Variants in ATP10A observed in about 807,000 individuals in gnomAD.
The protein encoded by ATP10A is ATPase phospholipid transporting 10A (putative).
In ATP10A, 111 loss-of-function variants were observed where a neutral mutation model predicts 147.8. The observed-to-expected ratio is 0.75, with a 90% CI of 0.64 to 0.88. The LOEUF (loss-of-function observed/expected upper bound fraction) is 0.88. Among genes scored for constraint, ATP10A ranks in the 40% least tolerant of loss-of-function variants. The pLI is 0.00. For missense variants in ATP10A, 1,927 were observed against 1,959.0 expected (o/e 0.98, Z 0.31); for synonymous variants, 875 against 841.6 (o/e 1.04, Z -0.69).
At chr15:25,703,028 ATGGGGCTC>A (rs1312800755) in intron 12 of ATP10A, among the ~76,000 whole-genome samples, 1 of 152,040 alleles carries the variant, frequency 6.6e-6, no homozygotes, top group Non-Finnish European at 1.5e-5. Context: ...GGTCATGAGG[ATGGGGCTC>A]CCTCGATGGG....
intron 1 of ATP10A, among the ~76,000 whole-genome samples, chr15:25,824,611 G>GT (rs34189860): frequency 0.62 from 91,670 of 148,108 alleles, 31,108 homozygotes; most frequent in East Asian, 0.81. Context: ...CCTATGTTTA[G>GT]GAAGTCAGTG....
At chr15:25,834,640 C>T (rs1280367957) in intron 1 of ATP10A, among the ~76,000 whole-genome samples, 1 of 152,206 alleles carries the variant, frequency 6.6e-6, no homozygotes, top group Non-Finnish European at 1.5e-5. Flanking sequence ...AATGAAAACA[C>T]ACGTCTATAC....
At chr15:25,705,952 C>A (rs1900982707) in intron 12 of ATP10A, among the ~76,000 whole-genome samples, 1 of 152,150 alleles carries the variant, frequency 6.6e-6, no homozygotes, top group Admixed American at 6.5e-5. Context: ...TCCTCACGTG[C>A]ACCTGGAGGG....
intron 16 of ATP10A, among the ~76,000 whole-genome samples, chr15:25,687,279 TA>T (rs1309594432): frequency 6.6e-6 from 1 of 152,064 alleles, no homozygotes; most frequent in African/African-American, 2.4e-5. Flanking sequence ...TGTTTGGGGA[TA>T]TTTCAGCAGC....
chr15:25,812,756 C>T (rs1289666978), intron 1 of ATP10A, among the ~76,000 whole-genome samples: 1 of 152,180 alleles, frequency 6.6e-6, no homozygotes. Flanking sequence ...GGTGGCCAAG[C>T]ACACTATTGA....
intron 9 of ATP10A, among the ~76,000 whole-genome samples, chr15:25,715,511 T>C (rs1230210748): frequency 1.3e-5 from 2 of 152,264 alleles, no homozygotes; most frequent in Admixed American, 1.3e-4. Context: ...AGTCAGGGTC[T>C]AGCCCAGAAA....
intron 1 of ATP10A, among the ~76,000 whole-genome samples, chr15:25,858,637 G>A (rs1893622384): frequency 6.6e-6 from 1 of 152,072 alleles, no homozygotes; most frequent in African/African-American, 2.4e-5. Context: ...CAAAGTGAGG[G>A]GAAGAGACCA....
intron 2 of ATP10A, among the ~76,000 whole-genome samples, chr15:25,776,822 C>T (rs59821497): frequency 0.086 from 13,024 of 152,190 alleles, 1,483 homozygotes; most frequent in African/African-American, 0.26. Flanking sequence ...CCTATTCCGC[C>T]TCTGGGGCAC....
At chr15:25,856,866 A>C (rs965764767) in intron 1 of ATP10A, among the ~76,000 whole-genome samples, 1 of 152,202 alleles carries the variant, frequency 6.6e-6, no homozygotes, top group Non-Finnish European at 1.5e-5. Flanking sequence ...ATAGAAAAAA[A>C]ACATGTTACC....
At chr15:25,841,044 C>T (rs1395321555) in intron 1 of ATP10A, among the ~76,000 whole-genome samples, 1 of 151,996 alleles carries the variant, frequency 6.6e-6, no homozygotes, top group African/African-American at 2.4e-5. Flanking sequence ...GATATTAGTG[C>T]TTTGTTGGGT....
At chr15:25,807,979 T>TAAGCAATC (rs1257842892) in intron 1 of ATP10A, among the ~76,000 whole-genome samples, 1 of 151,920 alleles carries the variant, frequency 6.6e-6, no homozygotes, top group Non-Finnish European at 1.5e-5. Flanking sequence ...AAAAAAACAA[T>TAAGCAATC]AAGCAATCAT....
At position 25,781,181 on chromosome 15, in the gene ATP10A, G is replaced by A. The variant is rs141087427; in HGVS notation, c.492C>T (p.His164=). The A allele has an allele frequency of 2.1e-4, 338 of 1,614,168 alleles. No homozygotes were observed. The African/African-American group carries it at 4.0e-3, about 19-fold the overall frequency. The change falls in exon 2 of 21, where the codon CAC becomes CAT. Residue 164 remains histidine, a synonymous_variant. Transcript: ENST00000555815. ...KYVNRFWKEI[H]VGDFVRLRCN... ...AGCGAAGACGCACAAAGTCTCCCAC[G>A]TGGATTTCTTTCCAGAATCGGTTCA...
At chr15:25,842,356 AC>A (rs1393318677) in intron 1 of ATP10A, among the ~76,000 whole-genome samples, 2 of 151,952 alleles carry the variant, frequency 1.3e-5, no homozygotes, top group Admixed American at 6.6e-5. Context: ...TGGTGTTGCT[AC>A]CCCCTCATGT....
intron 2 of ATP10A, among the ~76,000 whole-genome samples, chr15:25,750,296 C>A (rs776869353): frequency 5.9e-5 from 9 of 151,934 alleles, no homozygotes; most frequent in Non-Finnish European, 1.2e-4. Context: ...ATCTTTAAAG[C>A]ACCAAAGTGT....
chr15:25,761,285 C>G (rs1888742873), intron 2 of ATP10A, among the ~76,000 whole-genome samples: 2 of 152,224 alleles, frequency 1.3e-5, no homozygotes, highest in Admixed American at 1.3e-4. Flanking sequence ...TACCAATTTA[C>G]TGTATGAGTC....
intron 1 of ATP10A, among the ~76,000 whole-genome samples, chr15:25,794,625 G>A (rs1225035960): frequency 6.6e-6 from 1 of 152,320 alleles, no homozygotes; most frequent in South Asian, 2.1e-4. Flanking sequence ...TGTGAATCCC[G>A]GCTTGGAAGC....
At chr15:25,864,158 G>A (rs1567442109), upstream of ATP10A, among the ~76,000 whole-genome samples, 2 of 152,068 alleles carry the variant, frequency 1.3e-5, no homozygotes, top group Non-Finnish European at 2.9e-5. Context: ...GGGAGGAGAG[G>A]GGAGCGTCAG....
chr15:25,853,555 C>A (rs971854395), intron 1 of ATP10A, among the ~76,000 whole-genome samples: 13 of 152,098 alleles, frequency 8.5e-5, no homozygotes, highest in African/African-American at 3.1e-4. Context: ...GTTGTGAGTA[C>A]CAGTGCCAGG....
chr15:25,682,824 T>C (rs1451851673), intron 17 of ATP10A, among the ~76,000 whole-genome samples: 1 of 152,248 alleles, frequency 6.6e-6, no homozygotes, highest in Non-Finnish European at 1.5e-5. Context: ...TTGCTGTCTA[T>C]TTTAATGGCT....
Sources: gnomAD v4.1 joint callset for allele counts (sites outside exome capture counted in the v4.1 genomes callset) on GRCh38, gnomAD v4.1.1 for gene constraint, MANE v1.5 for transcripts, NCBI Gene and HGNC (gene_info 2026-07-23, HGNC 2026-07-21) for gene names.